FNDC3B: variants seen among roughly 807,000 people sequenced by gnomAD.
FNDC3B encodes fibronectin type III domain containing 3B.
Under a neutral mutation model 151.5 loss-of-function variants are expected in FNDC3B, and 12 were observed. The observed-to-expected ratio is 0.08, with a 90% CI of 0.05 to 0.13. The LOEUF (loss-of-function observed/expected upper bound fraction) is 0.13. Ranked by LOEUF, FNDC3B falls within the 10% of genes least tolerant of loss-of-function variation. The pLI, the probability that FNDC3B is intolerant of heterozygous loss-of-function variation, is 1.00. For missense variants in FNDC3B, 1,214 were observed against 1,505.3 expected (o/e 0.81, Z 3.20); for synonymous variants, 528 against 549.0 (o/e 0.96, Z 0.54).
At chr3:172,113,153 A>G (rs1720061250) in intron 2 of FNDC3B, among the ~76,000 whole-genome samples, 1 of 152,232 alleles carries the variant, frequency 6.6e-6, no homozygotes, top group African/African-American at 2.4e-5. Context: ...TTAGACAGTA[A>G]GTGAAACTTT....
At chr3:172,226,155 A>C (rs767759127) in intron 3 of FNDC3B, among the ~76,000 whole-genome samples, 3 of 151,982 alleles carry the variant, frequency 2.0e-5, no homozygotes, top group Non-Finnish European at 4.4e-5. Context: ...AAATACAAAA[A>C]TTAGCTGGGC....
chr3:172,252,613 G>A (rs183634631), intron 6 of FNDC3B, among the ~76,000 whole-genome samples: 1 of 152,082 alleles, frequency 6.6e-6, no homozygotes, highest in East Asian at 2.0e-4. Context: ...GAGTGTCTAT[G>A]GAAGAGCTTC....
intron 3 of FNDC3B, among the ~76,000 whole-genome samples, chr3:172,142,910 A>G (rs1182604960): frequency 6.6e-6 from 1 of 152,196 alleles, no homozygotes; most frequent in East Asian, 1.9e-4. Context: ...TCTGGTTCAT[A>G]GATGGCAGTT....
intron 1 of FNDC3B, among the ~76,000 whole-genome samples, chr3:172,063,863 C>A (rs1717349997): frequency 6.6e-6 from 1 of 152,108 alleles, no homozygotes; most frequent in East Asian, 1.9e-4. Context: ...TCTCCCCTCA[C>A]CAAATTTATT....
chr3:172,113,347 T>A (rs1720073051), intron 2 of FNDC3B, among the ~76,000 whole-genome samples: 1 of 152,216 alleles, frequency 6.6e-6, no homozygotes, highest in South Asian at 2.1e-4. Flanking sequence ...ATACCCAAAA[T>A]ATACTAATAA....
chr3:172,265,527 T>A (rs1028395759), intron 6 of FNDC3B, among the ~76,000 whole-genome samples: 13 of 152,192 alleles, frequency 8.5e-5, no homozygotes, highest in Non-Finnish European at 1.9e-4. Context: ...CTTGAAATGG[T>A]GGCTAGAGTC....
intron 3 of FNDC3B, among the ~76,000 whole-genome samples, chr3:172,219,301 A>G (rs955354164): frequency 2.6e-5 from 4 of 152,224 alleles, no homozygotes; most frequent in African/African-American, 9.6e-5. Flanking sequence ...TGGCCTTTGC[A>G]TAGCACAGTG....
chr3:172,043,930 CCT>C (rs955715648), intron 1 of FNDC3B, among the ~76,000 whole-genome samples: 18 of 152,194 alleles, frequency 1.2e-4, no homozygotes, highest in African/African-American at 4.3e-4. Flanking sequence ...AAAAAACGAT[CCT>C]CTCATACCCG....
chr3:172,254,664 A>G (rs913666143), intron 6 of FNDC3B, among the ~76,000 whole-genome samples: 2 of 152,170 alleles, frequency 1.3e-5, no homozygotes, highest in Non-Finnish European at 2.9e-5. Context: ...GCATTGCTCA[A>G]GGAAACTGCT....
At chr3:172,052,088 C>CT (rs571140016) in intron 1 of FNDC3B, among the ~76,000 whole-genome samples, 1,490 of 141,742 alleles carry the variant, frequency 0.011, 24 homozygotes, top group South Asian at 0.038. Flanking sequence ...CTGTCTTCTT[C>CT]TTTTTTTTTT....
chr3:172,280,846 A>T (rs1438429611), intron 6 of FNDC3B, among the ~76,000 whole-genome samples: 9 of 152,166 alleles, frequency 5.9e-5, no homozygotes, highest in Non-Finnish European at 1.5e-5. Context: ...GGAAAATTTA[A>T]ATTTCACATG....
intron 4 of FNDC3B, among the ~76,000 whole-genome samples, chr3:172,238,989 A>G (rs1048780202): frequency 2.0e-5 from 3 of 152,334 alleles, no homozygotes; most frequent in Admixed American, 6.5e-5. Context: ...TATGGAGAAA[A>G]GTTTTAATAA....
At chr3:172,156,360 CTGT>C (rs1722484027) in intron 3 of FNDC3B, among the ~76,000 whole-genome samples, 1 of 152,222 alleles carries the variant, frequency 6.6e-6, no homozygotes, top group South Asian at 2.1e-4. Flanking sequence ...CTCCGAGTTG[CTGT>C]TGTTCCCACC....
intron 3 of FNDC3B, among the ~76,000 whole-genome samples, chr3:172,143,867 C>T (rs890711442): frequency 6.6e-6 from 1 of 151,530 alleles, no homozygotes; most frequent in African/African-American, 2.4e-5. Context: ...CGAGATCGTG[C>T]CACTGCACTC....
chr3:172,292,567 C>T (rs1427384135), intron 7 of FNDC3B, among the ~76,000 whole-genome samples: 1 of 152,296 alleles, frequency 6.6e-6, no homozygotes, highest in East Asian at 1.9e-4. Flanking sequence ...GTATCTAGAA[C>T]GTTGGCATTT....
intron 6 of FNDC3B, among the ~76,000 whole-genome samples, chr3:172,280,775 G>A (rs1398048159): frequency 6.6e-6 from 1 of 152,174 alleles, no homozygotes; most frequent in African/African-American, 2.4e-5. Context: ...GGTCTTAACA[G>A]TTATTCAAAC....
intron 1 of FNDC3B, among the ~76,000 whole-genome samples, chr3:172,048,149 C>T (rs1221927440): frequency 1.3e-5 from 2 of 152,064 alleles, no homozygotes; most frequent in Non-Finnish European, 2.9e-5. Flanking sequence ...CACTCAGATG[C>T]GAGGTTTTCT....
intron 1 of FNDC3B, among the ~76,000 whole-genome samples, chr3:172,057,427 T>G (rs753022361): frequency 6.6e-6 from 1 of 152,244 alleles, no homozygotes; most frequent in South Asian, 2.1e-4. Context: ...ATGGAATGTT[T>G]GGCAGAGATG....
At chr3:172,058,578 CAGTT>C (rs1452561799) in intron 1 of FNDC3B, among the ~76,000 whole-genome samples, 2 of 151,670 alleles carry the variant, frequency 1.3e-5, no homozygotes, top group Non-Finnish European at 2.9e-5. Flanking sequence ...TACAGATCCT[CAGTT>C]GGTATATAAT....
Sources: gnomAD v4.1 joint callset for allele counts (sites outside exome capture counted in the v4.1 genomes callset) on GRCh38, gnomAD v4.1.1 for gene constraint, MANE v1.5 for transcripts, NCBI Gene and HGNC (gene_info 2026-07-23, HGNC 2026-07-21) for gene names.